PRKACB: variants seen among roughly 807,000 people sequenced by gnomAD.
PRKACB encodes cAMP-dependent protein kinase catalytic subunit beta.
Under a neutral mutation model 51.4 loss-of-function variants are expected in PRKACB, and 16 were observed. The observed-to-expected ratio is 0.31, with a 90% confidence interval of 0.21 to 0.47. The LOEUF (loss-of-function observed/expected upper bound fraction) is 0.47, where lower values mean the gene tolerates loss of function less well. PRKACB is among the 20% of genes least tolerant of loss of function. The pLI is 1.00. For synonymous variants in PRKACB, 147 were observed against 154.4 expected (o/e 0.95, Z 0.35); for missense variants, 309 against 464.5 (o/e 0.67, Z 3.08).
At chr1:84,123,097 G>C (rs550041073) in intron 1 of PRKACB, among the ~76,000 whole-genome samples, 323 of 152,196 alleles carry the variant, frequency 2.1e-3, no homozygotes, top group Non-Finnish European at 3.3e-3. Flanking sequence ...ATTTAAAACA[G>C]GGTCAGTTTA....
At chr1:84,209,731 TTTAA>T (rs572575240) in intron 8 of PRKACB, among the ~76,000 whole-genome samples, 2 of 152,282 alleles carry the variant, frequency 1.3e-5, no homozygotes, top group South Asian at 4.1e-4. Context: ...GTTGCTAAGT[TTTAA>T]TTGTCTTCCT....
At position 84,235,137 on chromosome 1, in the gene PRKACB, T is replaced by G. The variant is rs41293017; in HGVS notation, c.1072-43T>G. 6,754 of 1,569,068 alleles carry G rather than the reference T, an allele frequency of 4.3e-3. 18 individuals carry two copies. The highest frequency in any genetic ancestry group is 5.5e-3 in the Non-Finnish European group (6,362 of 1,160,066). On this transcript the variant is annotated intron_variant, in intron 9 of 9. Transcript: ENST00000370685. ...TTGGTGTTTGGAAACTCTCAGGAAT[T>G]TTTTTTTCCTTTTTCTTATTTTTCT...
At chr1:84,172,251 A>G (rs1194879787) in intron 1 of PRKACB, among the ~76,000 whole-genome samples, 1 of 151,726 alleles carries the variant, frequency 6.6e-6, no homozygotes, top group East Asian at 1.9e-4. Context: ...AAGACAAAAT[A>G]TTTGAATTCA....
chr1:84,227,329 C>G (rs759665115), intron 9 of PRKACB, among the ~76,000 whole-genome samples: 1 of 151,964 alleles, frequency 6.6e-6, no homozygotes, highest in Non-Finnish European at 1.5e-5. Context: ...TAAAATCATC[C>G]ATTTCCCTTT....
chr1:84,144,525 A>C lies in PRKACB; in HGVS notation c.164A>C (p.His55Pro), dbSNP rs989145213. ...LENDSLHFSE[H>P]TALWDRSMKE... ...AATGACAGCCTTCATTTCTCTGAAC[A>C]TACTGCCTTATGGGACAGATCAAGT... Residue 55 changes from histidine to proline, a missense_variant, in exon 1 of 10, where the codon CAT becomes CCT. By Grantham distance (77) the His-to-Pro change is moderately conservative. Around this residue, in one of 3 missense-constraint regions of PRKACB, gnomAD observed 153 missense variants for 190.2 expected, o/e 0.80. Transcript: ENST00000370685. The C allele has an allele frequency of 1.9e-6, 3 of 1,608,664 alleles. No individual in the cohort carries two copies. Among genetic ancestry groups the C allele is most frequent in the Non-Finnish European group, 2.5e-6 (3 of 1,178,178 alleles).
intron 9 of PRKACB, among the ~76,000 whole-genome samples, chr1:84,221,267 G>A (rs1558319192): frequency 1.6e-4 from 2 of 12,744 alleles, no homozygotes; most frequent in Non-Finnish European, 4.8e-3. Flanking sequence ...GTGATCTCCT[G>A]TATTTCTGTG....
At chr1:84,089,279 T>A (rs1215562705) in intron 1 of PRKACB, among the ~76,000 whole-genome samples, 1 of 152,180 alleles carries the variant, frequency 6.6e-6, no homozygotes, top group African/African-American at 2.4e-5. Flanking sequence ...ATTGACTATT[T>A]GGGGATAATA....
chr1:84,090,790 A>G (rs1257470137), intron 1 of PRKACB, among the ~76,000 whole-genome samples: 2 of 152,274 alleles, frequency 1.3e-5, no homozygotes, highest in East Asian at 3.9e-4. Context: ...TAAGTGAGTC[A>G]CTTAAATGAG....
intron 1 of PRKACB, among the ~76,000 whole-genome samples, chr1:84,079,715 G>T (rs1471341767): frequency 1.3e-5 from 2 of 152,088 alleles, no homozygotes; most frequent in South Asian, 2.1e-4. Context: ...GCCCAGGCTG[G>T]AGTGCAATGG....
chr1:84,086,027 A>T, intron 1 of PRKACB: 1 of 832,202 alleles, frequency 1.2e-6, no homozygotes, highest in Non-Finnish European at 2.1e-6. Flanking sequence ...CCTGGGGCTG[A>T]GGTTAGAGAA....
chr1:84,228,802 A>G (rs1421355997), intron 9 of PRKACB, among the ~76,000 whole-genome samples: 1 of 152,214 alleles, frequency 6.6e-6, no homozygotes, highest in South Asian at 2.1e-4. Flanking sequence ...TTGAGGAGAA[A>G]AGAATTTTTA....
intron 9 of PRKACB, among the ~76,000 whole-genome samples, chr1:84,227,784 G>T (rs1388845122): frequency 6.6e-6 from 1 of 152,198 alleles, no homozygotes; most frequent in Non-Finnish European, 1.5e-5. Context: ...AATAAAAATA[G>T]CAGAGTACTT....
At chr1:84,235,122 GA>G in intron 9 of PRKACB, 57 bp from the exon 10 acceptor site, 2 of 1,539,926 alleles carry the variant, frequency 1.3e-6, no homozygotes, top group Admixed American at 4.0e-5. Flanking sequence ...TTGGTGTTTG[GA>G]AACTCTCAGG....
chr1:84,199,001 A>G (rs1325687935), intron 7 of PRKACB, among the ~76,000 whole-genome samples: 3 of 147,728 alleles, frequency 2.0e-5, no homozygotes, highest in African/African-American at 5.0e-5. Flanking sequence ...GTATATGTGT[A>G]TATATACATA....
At chr1:84,119,576 C>G (rs568903095) in intron 1 of PRKACB, among the ~76,000 whole-genome samples, 24 of 152,164 alleles carry the variant, frequency 1.6e-4, no homozygotes, top group African/African-American at 5.5e-4. Context: ...AATCCATCAG[C>G]CCGTATATCA....
rs1558226541 is a variant in PRKACB at position 84,196,755 on chromosome 1, C to T, written c.687+13C>T. The T allele has an allele frequency of 4.3e-6, 7 of 1,609,540 alleles. No individual in the cohort carries two copies. Among genetic ancestry groups the T allele is most frequent in the South Asian group, 3.3e-5 (3 of 90,836 alleles). Reference sequence around the variant, plus strand: ...AGGCTATATCCAGGTATGACTTTAACACATTATGTGTACTGTATATGAGAA... The same window carrying T: ...AGGCTATATCCAGGTATGACTTTAATACATTATGTGTACTGTATATGAGAA... On this transcript the variant is annotated intron_variant, in intron 6 of 9. Transcript: ENST00000370685.
Position 84,144,444 on chromosome 1 carries a change from G to T in PRKACB, c.83G>T (p.Arg28Leu). 1 of 1,612,982 alleles carries T rather than the reference G, an allele frequency of 6.2e-7. No homozygotes were observed. Among genetic ancestry groups the T allele is most frequent in the African/African-American group, 1.3e-5 (1 of 74,950 alleles). The part of the protein sequence containing the change: ...ALQKLEGFAS[R>L]LFHRHSKGTA... The stretch of plus-strand genomic sequence containing the variant: ...CAGAAATTGGAAGGTTTTGCTAGCC[G>T]GTTATTTCATAGACACTCTAAAGGT... The change falls in exon 1 of 10, where the codon CGG becomes CTG. Residue 28 changes from arginine (R) to leucine (L), a missense_variant. By Grantham distance (102) the Arg-to-Leu change is moderately radical. Around this residue, in one of 3 missense-constraint regions of PRKACB, gnomAD observed 153 missense variants for 190.2 expected, o/e 0.80. Transcript: ENST00000370685.
rs1054279399 is a variant in PRKACB at position 84,228,603 on chromosome 1, T to C, written c.1072-6577T>C. On this transcript the variant is annotated intron_variant, in intron 9 of 9. Transcript: ENST00000370685. ...TTATAGAAGACCATATTCGAAGTAGTGGGAAGACATTTTACTTTTAGGATC... is the reference window on the plus strand; with the variant it reads ...TTATAGAAGACCATATTCGAAGTAGCGGGAAGACATTTTACTTTTAGGATC... Among the ~76,000 whole-genome samples, 7 of 151,672 alleles carry C rather than the reference T, an allele frequency of 4.6e-5. No homozygotes were observed. In the South Asian group the frequency reaches 1.5e-3, roughly 31 times the overall value.
intron 7 of PRKACB, among the ~76,000 whole-genome samples, chr1:84,200,451 A>G (rs376742696): frequency 6.6e-6 from 1 of 152,146 alleles, no homozygotes; most frequent in South Asian, 2.1e-4. Flanking sequence ...TTTACCGTTG[A>G]TAGTTTCTTT....
Sources: gnomAD v4.1 joint callset for allele counts (sites outside exome capture counted in the v4.1 genomes callset) on GRCh38, gnomAD v4.1.1 for gene constraint, gnomAD v4.1.1 regional missense constraint, MANE v1.5 for transcripts, NCBI Gene and HGNC (gene_info 2026-07-23, HGNC 2026-07-21) for gene names.